ACBD5: variants seen among roughly 807,000 people sequenced by gnomAD.
ACBD5 encodes acyl-CoA-binding domain-containing protein 5.
ACBD5 carries 40 observed loss-of-function variants against 71.8 expected under a neutral mutation model. The observed-to-expected ratio is 0.56, with a 90% CI of 0.43 to 0.72. ACBD5 has a LOEUF of 0.72. ACBD5 is among the 30% of genes least tolerant of loss of function. ACBD5 has a pLI of 0.00. For missense variants in ACBD5, 559 were observed against 644.5 expected (o/e 0.87, Z 1.44); for synonymous variants, 229 against 218.6 (o/e 1.05, Z -0.42).
chr10:27,231,781 T>G lies in ACBD5; in HGVS notation c.342A>C (p.Glu114Asp), dbSNP rs1474016602. 4 of 1,613,756 alleles carry G rather than the reference T, an allele frequency of 2.5e-6. No individual in the cohort carries two copies. Among genetic ancestry groups the G allele is most frequent in the Non-Finnish European group, 3.4e-6 (4 of 1,179,978 alleles). ...TTTCTTCAACATATGCAATCATGGC[T>G]TCCTCTTTGGTCATATCACCCAGTG... ...WSSLGDMTKEEAMIAYVEEMK... is the reference protein window; with the variant it reads ...WSSLGDMTKEDAMIAYVEEMK... The change falls in exon 4 of 13, where the codon GAA becomes GAC. Residue 114 changes from glutamate to aspartate, a missense_variant. By Grantham distance (45) the Glu-to-Asp change is conservative (BLOSUM62 2). Transcript: ENST00000396271.
intron 5 of ACBD5, 128 bp from the exon 6 acceptor site, chr10:27,219,985 A>G (rs1257583050): frequency 1.1e-5 from 7 of 663,864 alleles, no homozygotes; most frequent in Non-Finnish European, 1.5e-5. Context: ...TATATATATA[A>G]TAGTATTATT....
chr10:27,236,381 A>G (rs2064694840), intron 2 of ACBD5, among the ~76,000 whole-genome samples: 1 of 152,190 alleles, frequency 6.6e-6, no homozygotes, highest in Non-Finnish European at 1.5e-5. Flanking sequence ...TTGGCAAAAT[A>G]TTTATATACA....
At chr10:27,184,529 A>G (rs2058529922) in intron 13 of ACBD5, among the ~76,000 whole-genome samples, 1 of 151,856 alleles carries the variant, frequency 6.6e-6, no homozygotes, top group African/African-American at 2.4e-5. Context: ...TGCCATTATA[A>G]AAAACACTAT....
chr10:27,236,746 G>T (rs946799396), intron 2 of ACBD5, among the ~76,000 whole-genome samples: 1 of 151,726 alleles, frequency 6.6e-6, no homozygotes, highest in Non-Finnish European at 1.5e-5. Context: ...AAATTAGCCG[G>T]GCATGACGGT....
At chr10:27,236,960 G>C (rs1426381947) in intron 2 of ACBD5, among the ~76,000 whole-genome samples, 2 of 150,792 alleles carry the variant, frequency 1.3e-5, no homozygotes, top group Non-Finnish European at 2.9e-5. Flanking sequence ...TTTCAGGTTT[G>C]GCCGAGAGTG....
intron 12 of ACBD5, among the ~76,000 whole-genome samples, chr10:27,200,451 CTT>C (rs1008838191): frequency 1.4e-5 from 2 of 146,948 alleles, no homozygotes; most frequent in Admixed American, 6.8e-5. Flanking sequence ...TTTTTTCTCT[CTT>C]TTTTTTTTTG....
At chr10:27,201,870 C>T (rs1252929747) in intron 12 of ACBD5, among the ~76,000 whole-genome samples, 2 of 152,160 alleles carry the variant, frequency 1.3e-5, no homozygotes, top group East Asian at 1.9e-4. Context: ...CATATTTATT[C>T]AATAAAATGA....
chr10:27,185,222 G>GC (rs1167123071), intron 13 of ACBD5, among the ~76,000 whole-genome samples: 1 of 152,204 alleles, frequency 6.6e-6, no homozygotes, highest in African/African-American at 2.4e-5. Context: ...GAAACAGGTG[G>GC]CAAGGCCTTA....
At chr10:27,230,717 A>C (rs2138093038) in intron 4 of ACBD5, among the ~76,000 whole-genome samples, 1 of 144,904 alleles carries the variant, frequency 6.9e-6, no homozygotes, top group South Asian at 2.3e-4. Flanking sequence ...GAATCTCTTG[A>C]ACCCAGGAGG....
chr10:27,205,413 A>C (rs1027758012), intron 10 of ACBD5, among the ~76,000 whole-genome samples, 165 bp from the exon 11 acceptor site: 2 of 152,096 alleles, frequency 1.3e-5, no homozygotes, highest in East Asian at 3.9e-4. Context: ...TAGTTTATTC[A>C]GTATTTTTCT....
chr10:27,208,313 C>T lies in ACBD5; in HGVS notation c.1337G>A (p.Arg446Lys), dbSNP rs776573195. ...LNEQIALVLM[R>K]LQEDMQNVLQ... ...GACATTCTGCATGTCCTCCTGCAGT[C>T]TCATCAGCACGAGGGCGATCTGCTC... The change falls in exon 10 of 13, where the codon AGA becomes AAA. Residue 446 changes from arginine to lysine, a missense_variant. Arg to Lys is a conservative substitution (Grantham distance 26, BLOSUM62 2). Coordinates refer to ENST00000396271, the MANE Select transcript of ACBD5 (RefSeq NM_145698.5). 3.7e-6 allele frequency: 6 copies of T among 1,614,080 alleles called. No homozygotes were observed. The East Asian group carries it at 1.3e-4, about 36-fold the overall frequency.
At chr10:27,206,939 T>C (rs1471503323) in intron 10 of ACBD5, among the ~76,000 whole-genome samples, 1 of 152,102 alleles carries the variant, frequency 6.6e-6, no homozygotes, top group East Asian at 1.9e-4. Flanking sequence ...AGGGTGTTCA[T>C]GGACTCCTGG....
chr10:27,196,475 C>T lies in ACBD5; in HGVS notation c.*955G>A, dbSNP rs578149430. ...TAGGTGTATCTAAAATAGTATACCC[C>T]GAAGGAAAAACTGAGGCACTAAGAG... On this transcript the variant is annotated 3_prime_UTR_variant, in exon 13 of 13. Transcript: ENST00000396271. 175 of 454,336 alleles carry T rather than the reference C, an allele frequency of 3.9e-4. 4 individuals are homozygous for T. Among genetic ancestry groups the T allele is most frequent in the South Asian group, 2.5e-3 (163 of 64,470 alleles). 28.1% of individuals were successfully genotyped at this position (454,336 alleles called of 1,614,324 possible). A position where few individuals can be genotyped will look rare whatever the true frequency, so the allele number is the denominator to read the frequency against.
rs750589980 is a variant in ACBD5 at position 27,223,345 on chromosome 10, T to C, written c.483A>G (p.Ile161Met). Residue 161 changes from isoleucine (I) to methionine (M), a missense_variant, in exon 5 of 13, where the codon ATA becomes ATG. By Grantham distance (10) the Ile-to-Met change is conservative (BLOSUM62 1). Transcript: ENST00000396271. ...EDKKSGRSSD[I>M]TSDLGNVLTS... Reference sequence around the variant, plus strand: ...TAGGTAAAATAGTCCAACCTGAGGTTATATCAGAACTCCTGCCACTCTTTT... The same window carrying C: ...TAGGTAAAATAGTCCAACCTGAGGTCATATCAGAACTCCTGCCACTCTTTT... The C allele has an allele frequency of 1.2e-6, 2 of 1,610,654 alleles. No homozygotes were observed. The highest frequency in any genetic ancestry group is 4.5e-5 in the East Asian group (2 of 44,838).
chr10:27,202,730 A>G (rs1040044021), intron 12 of ACBD5, among the ~76,000 whole-genome samples: 1 of 152,102 alleles, frequency 6.6e-6, no homozygotes, highest in Non-Finnish European at 1.5e-5. Context: ...GGAAACATGA[A>G]AAGGAACTTT....
chr10:27,210,739 CAG>C (rs1304707052), intron 9 of ACBD5, 73 bp downstream of exon 9: 4 of 1,600,160 alleles, frequency 2.5e-6, no homozygotes, highest in Admixed American at 1.7e-5. Flanking sequence ...GCCTGGGCGA[CAG>C]AGCGCGAGAC....
intron 10 of ACBD5, among the ~76,000 whole-genome samples, chr10:27,206,890 C>T (rs1038643733): frequency 2.0e-5 from 3 of 152,066 alleles, no homozygotes; most frequent in African/African-American, 7.2e-5. Context: ...CCTCTCCCAT[C>T]AAAAATGCAA....
intron 8 of ACBD5, 98 bp from the exon 9 acceptor site, chr10:27,211,179 G>T: frequency 8.3e-7 from 1 of 1,203,226 alleles, no homozygotes; most frequent in Non-Finnish European, 1.2e-6. Context: ...TTCCTAAAAT[G>T]TTCTTTCATG....
At chr10:27,227,009 A>ATTTTTTTTTTTTTT (rs56406048) in intron 4 of ACBD5, among the ~76,000 whole-genome samples, 15 of 78,396 alleles carry the variant, frequency 1.9e-4, no homozygotes, top group Non-Finnish European at 2.2e-4. Context: ...TTTTTTTGCG[A>ATTTTTTTTTTTTTT]TTTTTTTTTT....
Sources: allele counts gnomAD v4.1 joint callset (sites outside exome capture counted in the v4.1 genomes callset), GRCh38; gene constraint gnomAD v4.1.1; transcripts MANE v1.5; gene names NCBI Gene and HGNC (gene_info 2026-07-23, HGNC 2026-07-21).